Variants in UNC80 observed in about 807,000 individuals in gnomAD.
UNC80 encodes the protein unc-80 subunit of NALCN channel complex, also known as protein unc-80 homolog.
Under a neutral mutation model 384.6 loss-of-function variants are expected in UNC80, and 164 were observed. That is an observed-to-expected ratio of 0.43 (90% CI 0.38 to 0.49). The LOEUF is 0.49. Among genes scored for constraint, UNC80 ranks in the 20% least tolerant of loss-of-function variants. The probability of loss-of-function intolerance (pLI) is 0.00; values close to 1 mark genes in which losing one functional copy is unlikely to be tolerated. For missense variants in UNC80, 3,330 were observed against 4,143.0 expected (o/e 0.80, Z 5.39); for synonymous variants, 1,486 against 1,527.8 (o/e 0.97, Z 0.64).
At chr2:209,952,713 A>G (rs2092241850) in intron 47 of UNC80, among the ~76,000 whole-genome samples, 1 of 152,178 alleles carries the variant, frequency 6.6e-6, no homozygotes, top group Non-Finnish European at 1.5e-5. Context: ...CTTAGCTTCT[A>G]CCTGGTACCT....
chr2:209,852,891 A>G (rs1454890445), intron 22 of UNC80, among the ~76,000 whole-genome samples: 1 of 152,070 alleles, frequency 6.6e-6, no homozygotes, highest in Non-Finnish European at 1.5e-5. Context: ...GTGTTTTTCA[A>G]TGCATTGTGG....
At chr2:209,873,616 G>A (rs2084504376) in intron 23 of UNC80, among the ~76,000 whole-genome samples, 1 of 152,084 alleles carries the variant, frequency 6.6e-6, no homozygotes, top group Non-Finnish European at 1.5e-5. Flanking sequence ...AAGGAAAAAA[G>A]GTGAAGAATA....
chr2:209,890,717 C>T (rs1051453012), intron 26 of UNC80, among the ~76,000 whole-genome samples: 11 of 152,112 alleles, frequency 7.2e-5, no homozygotes, highest in African/African-American at 2.4e-4. Flanking sequence ...TACTGCATTG[C>T]GATGTTGAAA....
intron 31 of UNC80, among the ~76,000 whole-genome samples, chr2:209,915,948 TCATTA>T (rs1333068352): frequency 2.0e-5 from 3 of 152,250 alleles, no homozygotes; most frequent in African/African-American, 7.2e-5. Context: ...TCTGACTTGA[TCATTA>T]CATTCTATTC....
chr2:209,888,314 A>AT, intron 26 of UNC80, 54 bp downstream of exon 26: 1 of 1,533,448 alleles, frequency 6.5e-7, no homozygotes, highest in Non-Finnish European at 8.8e-7. Flanking sequence ...TTCTCATAGG[A>AT]TATTTGCACT....
chr2:209,955,691 TAA>T (rs2092370033), intron 48 of UNC80, among the ~76,000 whole-genome samples: 2 of 61,448 alleles, frequency 3.3e-5, no homozygotes, highest in African/African-American at 1.2e-4. Context: ...ACTGTATTTC[TAA>T]TATATATATA....
intron 46 of UNC80, 65 bp from the exon 47 acceptor site, chr2:209,945,782 T>C (rs1559374498): frequency 6.9e-6 from 7 of 1,018,332 alleles, no homozygotes; most frequent in African/African-American, 1.6e-5. Flanking sequence ...TTAGGAGTAA[T>C]AGGTGCTTCT....
chr2:209,834,091 T>G lies in UNC80; in HGVS notation c.2865T>G (p.Leu955=). Residue 955 remains leucine, a synonymous_variant, in exon 17 of 65, where the codon CTT becomes CTG. Coordinates refer to ENST00000673920, the MANE Select transcript of UNC80 (RefSeq NM_001371986.1). ...GGAGAGTGGCCCTCAGCGCTCTGCT[T>G]GACAGTGCCGAGAAGTTAGCACCAG... ...VFRRVALSAL[L]DSAEKLAPGK... is the part of the protein sequence containing the mutation. 1 of 1,551,688 alleles carries G rather than the reference T, an allele frequency of 6.4e-7. No homozygotes were observed. Among genetic ancestry groups the G allele is most frequent in the Non-Finnish European group, 8.7e-7 (1 of 1,146,968 alleles).
Position 209,913,758 on chromosome 2 carries a change from A to G in UNC80, c.4891-44A>G, listed in dbSNP as rs1301158350. On this transcript the variant is annotated intron_variant, in intron 30 of 64. Coordinates refer to ENST00000673920, the MANE Select transcript of UNC80 (RefSeq NM_001371986.1). ...AAGTTTCAAGAGAAGTGCAGTATTC[A>G]CTGTCTTAAAAGATTTTAAAACATG... 5 of 1,511,162 alleles carry G rather than the reference A, an allele frequency of 3.3e-6. No homozygotes were observed. The South Asian group carries it at 6.3e-5, about 19-fold the overall frequency. The allele number at this position is 1,511,162 out of a possible 1,614,324, so 93.6% of individuals were successfully genotyped here.
chr2:209,839,562 C>T lies in UNC80; in HGVS notation c.3250+132C>T. 1 of 926,540 alleles carries T rather than the reference C, an allele frequency of 1.1e-6. No homozygotes were observed. Among genetic ancestry groups the T allele is most frequent in the Non-Finnish European group, 1.6e-6 (1 of 620,170 alleles). The allele number at this position is 926,540 out of a possible 1,614,324, so 57.4% of individuals were successfully genotyped here. ...AAGACCTAGACTGACTTCATTCATT[C>T]ATTCATTTAATTTTTCCCACAGTAT... On this transcript the variant is annotated intron_variant, in intron 19 of 64. Coordinates refer to ENST00000673920, the MANE Select transcript of UNC80 (RefSeq NM_001371986.1). The surrounding 1 kb of genome is among the most constrained non-coding windows in gnomAD (Gnocchi z 4.1).
At chr2:209,865,151 C>A (rs1574802293) in intron 22 of UNC80, among the ~76,000 whole-genome samples, 2 of 152,136 alleles carry the variant, frequency 1.3e-5, no homozygotes, top group South Asian at 2.1e-4. Flanking sequence ...TTTCTCTCCA[C>A]GGGTCACGGC....
In UNC80 at chr2:209,777,589, G is replaced by A. The variant is rs775178500; in HGVS notation, c.600+30G>A. On this transcript the variant is annotated intron_variant, in intron 4 of 64. Transcript: ENST00000673920. ...GCAGAAACCCAGTGTTAGAGCTGGA[G>A]TGGGTGGAGATGTGGTGAGGGTAGA... 5 of 1,577,236 alleles carry A rather than the reference G, an allele frequency of 3.2e-6. No individual in the cohort carries two copies. In the South Asian group the frequency reaches 6.0e-5, roughly 19 times the overall value.
chr2:209,916,650 G>C (rs2089564037), intron 31 of UNC80, among the ~76,000 whole-genome samples: 2 of 152,156 alleles, frequency 1.3e-5, no homozygotes. Context: ...TATAGAACTA[G>C]ATCATATGCA....
intron 60 of UNC80, among the ~76,000 whole-genome samples, chr2:209,983,538 A>G (rs1006736718): frequency 3.3e-5 from 5 of 152,070 alleles, no homozygotes; most frequent in Non-Finnish European, 5.9e-5. Context: ...ACATGTCCTA[A>G]AAAAGATATA....
At chr2:209,940,670 A>C (rs1054808444) in intron 43 of UNC80, among the ~76,000 whole-genome samples, 4 of 152,092 alleles carry the variant, frequency 2.6e-5, no homozygotes, top group Admixed American at 1.3e-4. Context: ...AAAAAAAATT[A>C]GCTGGGCATG....
rs527786972 is a variant in UNC80 at position 209,835,101 on chromosome 2, T to C, written c.3041+91T>C. ...TTTCCAAACTGCTATTTGTTTGTTT[T>C]TCATCTCCTTTGAATTTTGCCTTGT... On this transcript the variant is annotated intron_variant, in intron 18 of 64. Transcript: ENST00000673920. 658 of 1,036,716 alleles carry C rather than the reference T, an allele frequency of 6.3e-4. 8 individuals carry two copies. The South Asian group carries it at 8.5e-3, about 13-fold the overall frequency. The allele number at this position is 1,036,716 out of a possible 1,614,324, so 64.2% of individuals were successfully genotyped here. A position where few individuals can be genotyped will look rare whatever the true frequency, so the allele number is the denominator to read the frequency against.
At chr2:209,789,497 CT>C (rs779376967) in intron 5 of UNC80, 34 bp from the exon 6 acceptor site, 2 of 1,488,480 alleles carry the variant, frequency 1.3e-6, no homozygotes, top group Non-Finnish European at 1.9e-6. Flanking sequence ...AACTTAAAAC[CT>C]TACAAAACGA....
At chr2:209,873,563 A>C (rs2084498112) in intron 23 of UNC80, among the ~76,000 whole-genome samples, 1 of 152,230 alleles carries the variant, frequency 6.6e-6, no homozygotes, top group Non-Finnish European at 1.5e-5. Flanking sequence ...TAGGAATTCT[A>C]ACAAAATGGA....
intron 22 of UNC80, among the ~76,000 whole-genome samples, chr2:209,852,546 CACTT>C (rs1279940819): frequency 6.6e-6 from 1 of 152,084 alleles, no homozygotes; most frequent in Non-Finnish European, 1.5e-5. Context: ...AATAAGGACA[CACTT>C]ACAATCAGTT....
Sources: allele counts gnomAD v4.1 joint callset (sites outside exome capture counted in the v4.1 genomes callset), GRCh38; gene constraint gnomAD v4.1.1; non-coding constraint Gnocchi (gnomAD v3.1); transcripts MANE v1.5; gene names NCBI Gene and HGNC (gene_info 2026-07-23, HGNC 2026-07-21).